ABCE1: variants seen among roughly 807,000 people sequenced by gnomAD.
ABCE1 encodes the protein ATP binding cassette subfamily E member 1, also known as ATP-binding cassette sub-family E member 1.
Under a neutral mutation model 83.4 loss-of-function variants are expected in ABCE1, and 22 were observed. That is an observed-to-expected ratio of 0.26 (90% CI 0.19 to 0.38). The LOEUF (loss-of-function observed/expected upper bound fraction) is 0.38. ABCE1 is among the 10% of genes least tolerant of loss of function. The pLI, the probability that ABCE1 is intolerant of heterozygous loss-of-function variation, is 1.00. For synonymous variants in ABCE1, 204 were observed against 233.7 expected, an observed-to-expected ratio of 0.87 and a Z score of 1.16; for missense variants, 330 against 721.9, an observed-to-expected ratio of 0.46 and a Z score of 6.22.
chr4:145,123,128 A>G lies in ABCE1; in HGVS notation c.1371A>G (p.Gln457=), dbSNP rs753805958. ...TGCAAATTGAAAACATCATTGATCAAGAGGTACTTTAACATAATTTTTTTT... is the reference window on the plus strand; with the variant it reads ...TGCAAATTGAAAACATCATTGATCAGGAGGTACTTTAACATAATTTTTTTT... ...KPLQIENIID[Q]EVQTLSGGEL... The change falls in exon 14 of 18, where the codon CAA becomes CAG. Residue 457 remains glutamine, a synonymous_variant. Transcript: ENST00000296577. The G allele has an allele frequency of 3.8e-6, 6 of 1,590,310 alleles. No homozygotes were observed. In the Admixed American group the frequency reaches 5.5e-5, roughly 15 times the overall value.
intron 2 of ABCE1, 37 bp downstream of exon 2, chr4:145,104,552 A>G: frequency 7.3e-7 from 1 of 1,371,222 alleles, no homozygotes; most frequent in Non-Finnish European, 9.9e-7. Flanking sequence ...TATAAAAGAA[A>G]ACCATGAAAG....
Position 145,111,063 on chromosome 4 carries a change from A to G in ABCE1, c.709A>G (p.Ile237Val). ...TGTCGTTTGCATACAGAAAGCTGAT[A>G]TGTAGGTTACTTTACAATTTTTGTT... The part of the protein sequence containing the change: ...CAVVCIQKAD[I>V]FMFDEPSSYL... The change falls in exon 8 of 18, where the codon ATT becomes GTT. Residue 237 changes from isoleucine (I) to valine (V), a missense_variant and splice_region_variant. Coordinates refer to ENST00000296577, the MANE Select transcript of ABCE1 (RefSeq NM_002940.3). The G allele has an allele frequency of 6.2e-7, 1 of 1,606,984 alleles. No individual in the cohort carries two copies. Among genetic ancestry groups the G allele is most frequent in the Non-Finnish European group, 8.5e-7 (1 of 1,176,228 alleles).
At chr4:145,125,470 A>C (rs1479183054) in intron 17 of ABCE1, among the ~76,000 whole-genome samples, 1 of 152,112 alleles carries the variant, frequency 6.6e-6, no homozygotes, top group East Asian at 1.9e-4. Context: ...TCTGTCTAAA[A>C]AAATAAAAAT....
At chr4:145,115,073 G>A (rs1283857288) in intron 9 of ABCE1, among the ~76,000 whole-genome samples, 1 of 151,924 alleles carries the variant, frequency 6.6e-6, no homozygotes, top group Non-Finnish European at 1.5e-5. Context: ...TGAAGACTAA[G>A]AGATAGCCCC....
Position 145,112,220 on chromosome 4 carries a change from T to A in ABCE1, c.711-19T>A. On this transcript the variant is annotated intron_variant, in intron 8 of 17. Coordinates refer to ENST00000296577, the MANE Select transcript of ABCE1 (RefSeq NM_002940.3). ...TGTCTTTCAAACTTATATTTGCTTTTTTTTTTTTTTTTTCATAGTTTCATG... is the reference window on the plus strand; with the variant it reads ...TGTCTTTCAAACTTATATTTGCTTTATTTTTTTTTTTTTCATAGTTTCATG... The A allele has an allele frequency of 7.1e-7, 1 of 1,414,540 alleles. No individual in the cohort carries two copies. Among genetic ancestry groups the A allele is most frequent in the Non-Finnish European group, 9.4e-7 (1 of 1,063,922 alleles). The allele number at this position is 1,414,540 out of a possible 1,614,324, so 87.6% of individuals were successfully genotyped here.
intron 3 of ABCE1, among the ~76,000 whole-genome samples, chr4:145,106,756 T>C (rs1431951613): frequency 6.6e-6 from 1 of 152,144 alleles, no homozygotes; most frequent in Admixed American, 6.5e-5. Context: ...AAGCATTGTA[T>C]GTACATTTAA....
chr4:145,105,716 CAA>C (rs770734049), intron 3 of ABCE1, 26 bp downstream of exon 3: 58 of 1,491,046 alleles, frequency 3.9e-5, no homozygotes, highest in Non-Finnish European at 4.8e-5. Context: ...TTTACTGGAT[CAA>C]ACGTGTAACC....
chr4:145,110,036 A>ATT, intron 5 of ABCE1, 67 bp from the exon 6 acceptor site: 1 of 1,349,922 alleles, frequency 7.4e-7, no homozygotes, highest in East Asian at 2.4e-5. Context: ...TATTTCCTGT[A>ATT]GCATTCATCC....
At chr4:145,111,142 G>C in intron 8 of ABCE1, 78 bp downstream of exon 8, 2 of 928,002 alleles carry the variant, frequency 2.2e-6, no homozygotes, top group African/African-American at 1.7e-5. Context: ...ATAGAGGAAT[G>C]GTTTTGAGAG....
At chr4:145,121,795 C>G (rs1003672131) in intron 13 of ABCE1, 1 of 167,230 alleles carries the variant, frequency 6.0e-6, no homozygotes, top group African/African-American at 2.4e-5. Context: ...TGGCGTGAAC[C>G]TGGGAGGCAG....
chr4:145,117,264 T>A lies in ABCE1; in HGVS notation c.801-29T>A, dbSNP rs369324191. 1.1e-5 allele frequency: 17 copies of A among 1,576,380 alleles called. No homozygotes were observed. The African/African-American group carries it at 2.0e-4, about 19-fold the overall frequency. On this transcript the variant is annotated intron_variant, in intron 9 of 17. Transcript: ENST00000296577. ...ACTATTAAAAATAGTTATGTAAGAG[T>A]TTTAACTAAAATCTGGTTTGATTTT... is the stretch of plus-strand genomic sequence containing the variant.
At chr4:145,124,353 C>CA (rs1560966095) in intron 16 of ABCE1, among the ~76,000 whole-genome samples, 1 of 143,678 alleles carries the variant, frequency 7.0e-6, no homozygotes, top group African/African-American at 2.5e-5. Context: ...CCCTGAATTC[C>CA]TTTTTTTTTT....
intron 10 of ABCE1, among the ~76,000 whole-genome samples, chr4:145,117,955 T>C (rs1268793754): frequency 1.3e-5 from 2 of 151,896 alleles, no homozygotes; most frequent in African/African-American, 4.8e-5. Flanking sequence ...TGTCTCCTCC[T>C]TACCTGTGTA....
chr4:145,119,740 C>T (rs1749693313), intron 10 of ABCE1, among the ~76,000 whole-genome samples, 192 bp from the exon 11 acceptor site: 1 of 151,818 alleles, frequency 6.6e-6, no homozygotes, highest in African/African-American at 2.4e-5. Flanking sequence ...GGGGGACATG[C>T]ATATATATTC....
chr4:145,108,999 T>G (rs753441411), intron 4 of ABCE1, 133 bp from the exon 5 acceptor site: 165 of 628,578 alleles, frequency 2.6e-4, no homozygotes, highest in Non-Finnish European at 4.2e-4. Context: ...GCCAGTAATA[T>G]CTGGCATATG....
At chr4:145,122,896 AT>A in intron 13 of ABCE1, 124 bp from the exon 14 acceptor site, 1 of 626,112 alleles carries the variant, frequency 1.6e-6, no homozygotes, top group Non-Finnish European at 2.7e-6. Context: ...GTGGATACAC[AT>A]TGATATCTGT....
At chr4:145,114,371 A>G (rs1579216734) in intron 9 of ABCE1, among the ~76,000 whole-genome samples, 1 of 152,138 alleles carries the variant, frequency 6.6e-6, no homozygotes, top group Non-Finnish European at 1.5e-5. Context: ...CTTTTTATAA[A>G]AAGTATTTTT....
At chr4:145,112,955 G>A (rs546183499) in intron 9 of ABCE1, among the ~76,000 whole-genome samples, 1 of 152,020 alleles carries the variant, frequency 6.6e-6, no homozygotes, top group Non-Finnish European at 1.5e-5. Context: ...GACCCCAGGG[G>A]TTTTTTTCTG....
Position 145,104,381 on chromosome 4 carries a change from C to T in ABCE1, c.-27-5C>T, listed in dbSNP as rs1026584960. The T allele has an allele frequency of 6.9e-7, 1 of 1,454,136 alleles. No individual in the cohort carries two copies. Among genetic ancestry groups the T allele is most frequent in the South Asian group, 1.3e-5 (1 of 78,334 alleles). 90.1% of individuals were successfully genotyped at this position (1,454,136 alleles called of 1,614,324 possible). A position where few individuals can be genotyped will look rare whatever the true frequency, so the allele number is the denominator to read the frequency against. ...GCATTAAATTTGTTGATTTTTCTTT[C>T]ATAGAAGAGCTGGATATTCTTTCGC... On this transcript the variant is annotated splice_region_variant and splice_polypyrimidine_tract_variant and intron_variant, in intron 1 of 17. Transcript: ENST00000296577.
Sources: allele counts gnomAD v4.1 joint callset (sites outside exome capture counted in the v4.1 genomes callset), GRCh38; gene constraint gnomAD v4.1.1; transcripts MANE v1.5; gene names NCBI Gene and HGNC (gene_info 2026-07-23, HGNC 2026-07-21).